The following INO80 variants were observed in gnomAD, a reference collection of about 807,000 sequenced individuals.
INO80 encodes the protein INO80 complex ATPase subunit.
Under a neutral mutation model 203.4 loss-of-function variants are expected in INO80, and 20 were observed. The ratio of observed to expected loss-of-function variants is 0.10; its 90% CI spans 0.07 to 0.14. INO80 has a LOEUF of 0.14. Among genes scored for constraint, INO80 ranks in the 10% least tolerant of loss-of-function variants. The pLI is 1.00. For missense variants in INO80, 1,419 were observed against 1,914.4 expected, an observed-to-expected ratio of 0.74 and a Z score of 4.83; for synonymous variants, 726 against 685.2, an observed-to-expected ratio of 1.06 and a Z score of -0.93.
At chr15:41,087,823 A>G in intron 5 of INO80, 141 bp from the exon 6 acceptor site, 6 of 744,444 alleles carry the variant, frequency 8.1e-6, no homozygotes, top group Admixed American at 3.4e-5. Flanking sequence ...AACATCTAGT[A>G]TATCTAAGGG....
At chr15:41,096,452 G>A (rs1397409578) in intron 1 of INO80, 99 bp from the exon 2 acceptor site, 2 of 776,124 alleles carry the variant, frequency 2.6e-6, no homozygotes, top group Non-Finnish European at 3.7e-6. Flanking sequence ...AGACCTTCTA[G>A]AACACAAGAC....
At chr15:41,055,868 G>A (rs1218195300) in intron 17 of INO80, among the ~76,000 whole-genome samples, 3 of 151,394 alleles carry the variant, frequency 2.0e-5, no homozygotes, top group Non-Finnish European at 4.4e-5. Flanking sequence ...TTGAGTAGCT[G>A]CAACCATGAT....
chr15:41,069,793 A>C, intron 13 of INO80, 128 bp from the exon 14 acceptor site: 1 of 605,148 alleles, frequency 1.7e-6, no homozygotes. Flanking sequence ...AGTAAATCCC[A>C]AATCTGCACA....
chr15:41,023,343 A>G (rs1159831164), intron 25 of INO80: 1 of 455,750 alleles, frequency 2.2e-6, no homozygotes, highest in Non-Finnish European at 4.4e-6. Flanking sequence ...TGTGTGTCGC[A>G]GACCTGCAAA....
chr15:41,096,072 C>G (rs1395726462), intron 2 of INO80, 96 bp downstream of exon 2: 13 of 1,426,364 alleles, frequency 9.1e-6, no homozygotes, highest in Non-Finnish European at 1.2e-5. Flanking sequence ...AAATATCAAA[C>G]ATAAAAATCA....
At chr15:41,069,528 A>G (rs758006668) in intron 14 of INO80, 42 bp downstream of exon 14, 1 of 1,215,296 alleles carries the variant, frequency 8.2e-7, no homozygotes, top group South Asian at 1.3e-5. Flanking sequence ...CAAAAAGTTT[A>G]TTTTAAAGAG....
chr15:40,996,440 A>C (rs1362375484), intron 29 of INO80, among the ~76,000 whole-genome samples: 2 of 150,976 alleles, frequency 1.3e-5, no homozygotes, highest in Non-Finnish European at 2.9e-5. Flanking sequence ...CTCCTGCCTC[A>C]CCTCCCGAGT....
At chr15:41,107,656 TG>T in intron 1 of INO80, among the ~76,000 whole-genome samples, 1 of 151,600 alleles carries the variant, frequency 6.6e-6, no homozygotes, top group East Asian at 1.9e-4. Flanking sequence ...AAAAATTAGC[TG>T]GGTGTCCTGG....
At position 41,092,155 on chromosome 15, in the gene INO80, C is replaced by T. The variant is rs763537541; in HGVS notation, c.409G>A (p.Glu137Lys). The T allele has an allele frequency of 6.2e-7, 1 of 1,607,514 alleles. No individual in the cohort carries two copies. Among genetic ancestry groups the T allele is most frequent in the South Asian group, 1.1e-5 (1 of 90,708 alleles). The change falls in exon 5 of 36, where the codon GAG becomes AAG. Residue 137 changes from glutamate to lysine, a missense_variant. Around this residue, in one of 9 missense-constraint regions of INO80, gnomAD observed 323 missense variants for 325.4 expected, o/e 0.99. Coordinates refer to ENST00000648947, the MANE Select transcript of INO80 (RefSeq NM_017553.3). Reference protein sequence around the residue: ...KSILLSDESSEADSQSEDDDE... With the variant: ...KSILLSDESSKADSQSEDDDE... ...TCGTCTTCACTCTGAGAATCAGCCT[C>T]GCTGGATTCATCACTTAGCAGAATG...
intron 9 of INO80, among the ~76,000 whole-genome samples, chr15:41,075,235 C>T (rs1275424281): frequency 5.3e-5 from 8 of 150,764 alleles, no homozygotes; most frequent in Non-Finnish European, 1.2e-4. Flanking sequence ...GTCTATGTAG[C>T]TTTATTATTT....
intron 14 of INO80, among the ~76,000 whole-genome samples, chr15:41,061,416 C>T (rs1355034079): frequency 7.0e-6 from 1 of 143,652 alleles, no homozygotes; most frequent in African/African-American, 2.7e-5. Context: ...ACCACCCTGG[C>T]CAACATGGTG....
At chr15:41,048,046 T>G (rs1274313322) in intron 22 of INO80, among the ~76,000 whole-genome samples, 166 bp downstream of exon 22, 1 of 152,190 alleles carries the variant, frequency 6.6e-6, no homozygotes, top group Non-Finnish European at 1.5e-5. Context: ...TCACAGAGCC[T>G]ATAAAGATAA....
chr15:40,980,276 C>T lies in INO80; in HGVS notation c.4618G>A (p.Asp1540Asn). 6.2e-7 allele frequency: 1 copy of T among 1,613,642 alleles called. No individual in the cohort carries two copies. The highest frequency in any genetic ancestry group is 1.1e-5 in the South Asian group (1 of 91,054). The change falls in exon 36 of 36, where the codon GAC becomes AAC. Residue 1540 changes from aspartate (D) to asparagine (N), a missense_variant. Around this residue, in one of 9 missense-constraint regions of INO80, gnomAD observed 112 missense variants for 106.2 expected, o/e 1.05. Coordinates refer to ENST00000648947, the MANE Select transcript of INO80 (RefSeq NM_017553.3). Reference protein sequence around the residue: ...NLHMTSSLAPDSLVRKQGKGT... With the variant: ...NLHMTSSLAPNSLVRKQGKGT... ...TTGCCCTGTTTCCGGACCAGAGAGT[C>T]TGGGGCTAGGCTGCTGGTCATGTGG...
At chr15:41,115,697 A>C (rs900762957) in intron 1 of INO80, among the ~76,000 whole-genome samples, 1 of 151,294 alleles carries the variant, frequency 6.6e-6, no homozygotes, top group African/African-American at 2.4e-5. Context: ...CACACTCCCC[A>C]CGTGTGGGCG....
intron 25 of INO80, among the ~76,000 whole-genome samples, chr15:41,023,068 T>C (rs1370673481): frequency 6.8e-6 from 1 of 146,318 alleles, no homozygotes; most frequent in Non-Finnish European, 1.5e-5. Flanking sequence ...GCCACTGCAC[T>C]CCAGCCTGGG....
intron 1 of INO80, among the ~76,000 whole-genome samples, chr15:41,110,875 T>C (rs1055395428): frequency 2.6e-5 from 4 of 152,224 alleles, no homozygotes; most frequent in East Asian, 3.8e-4. Flanking sequence ...GAGATTGATT[T>C]TATATTTAGA....
At chr15:41,057,692 G>A (rs1458000544) in intron 16 of INO80, among the ~76,000 whole-genome samples, 1 of 150,578 alleles carries the variant, frequency 6.6e-6, no homozygotes, top group Non-Finnish European at 1.5e-5. Flanking sequence ...AGCTACTCGG[G>A]AGGCTGAGGC....
intron 28 of INO80, among the ~76,000 whole-genome samples, chr15:41,002,386 CAAGTT>C (rs2043970213): frequency 6.6e-6 from 1 of 151,534 alleles, no homozygotes; most frequent in Admixed American, 6.6e-5. Flanking sequence ...TTCTGCTTCC[CAAGTT>C]AAGTAAGATA....
chr15:41,108,657 C>T (rs547946558), intron 1 of INO80, among the ~76,000 whole-genome samples: 13 of 151,380 alleles, frequency 8.6e-5, no homozygotes, highest in African/African-American at 3.2e-4. Context: ...CAGCTACTCA[C>T]TCTGGGTCTC....
Sources: allele counts gnomAD v4.1 joint callset (sites outside exome capture counted in the v4.1 genomes callset), GRCh38; gene constraint gnomAD v4.1.1; regional missense constraint gnomAD v4.1.1; transcripts MANE v1.5; gene names NCBI Gene and HGNC (gene_info 2026-07-23, HGNC 2026-07-21).